BANF2: variants seen among roughly 807,000 people sequenced by gnomAD.
BANF2 encodes the protein barrier-to-autointegration factor-like protein.
Under a neutral mutation model 8.0 loss-of-function variants are expected in BANF2, and 4 were observed. The observed-to-expected ratio is 0.50, with a 90% CI of 0.25 to 1.14. The LOEUF is 1.14. Among genes scored for constraint, BANF2 ranks in the 50% most tolerant of loss-of-function variants. The pLI is 0.16. For synonymous variants in BANF2, 50 were observed against 40.6 expected, an observed-to-expected ratio of 1.23 and a Z score of -0.88; for missense variants, 96 against 107.5, an observed-to-expected ratio of 0.89 and a Z score of 0.47.
chr20:17,709,715 G>A (rs182636906), intron 1 of BANF2, among the ~76,000 whole-genome samples: 9 of 152,308 alleles, frequency 5.9e-5, no homozygotes, highest in Non-Finnish European at 1.5e-5. Context: ...AGGCCCACTC[G>A]GTTTGAGGCC....
At chr20:17,713,260 T>C (rs192242080) in intron 1 of BANF2, among the ~76,000 whole-genome samples, 29 of 144,946 alleles carry the variant, frequency 2.0e-4, no homozygotes, top group African/African-American at 7.4e-4. Context: ...AAAGAAAGAA[T>C]GAGAGAGAGA....
chr20:17,726,712 C>T (rs2037813946), intron 3 of BANF2, among the ~76,000 whole-genome samples: 1 of 152,146 alleles, frequency 6.6e-6, no homozygotes, highest in Admixed American at 6.5e-5. Flanking sequence ...ATCCCCTATC[C>T]TTAGAGGTAA....
intron 3 of BANF2, among the ~76,000 whole-genome samples, chr20:17,732,034 C>G (rs953989292): frequency 5.9e-5 from 9 of 151,308 alleles, no homozygotes; most frequent in Non-Finnish European, 8.8e-5. Flanking sequence ...CCACTGCACT[C>G]CATCCTGGGC....
At chr20:17,698,654 A>G (rs2037371082), upstream of BANF2, among the ~76,000 whole-genome samples, 1 of 152,220 alleles carries the variant, frequency 6.6e-6, no homozygotes, top group Non-Finnish European at 1.5e-5. Context: ...AGCTGGCAAA[A>G]GCCCCCAAGC....
intron 3 of BANF2, among the ~76,000 whole-genome samples, chr20:17,735,143 C>T (rs910077960): frequency 4.6e-5 from 7 of 152,052 alleles, no homozygotes; most frequent in Non-Finnish European, 8.8e-5. Flanking sequence ...GAAAAGAAAT[C>T]CCATGCTACA....
upstream of BANF2, among the ~76,000 whole-genome samples, chr20:17,699,524 C>T (rs1175155120): frequency 1.3e-5 from 2 of 152,096 alleles, no homozygotes; most frequent in Admixed American, 6.6e-5. Flanking sequence ...GGGAAAGTCA[C>T]GGGTATACTG....
At position 17,735,660 on chromosome 20, in the gene BANF2, C is replaced by A. The variant is rs2037966633; in HGVS notation, c.127-5C>A. The A allele has an allele frequency of 6.2e-7, 1 of 1,613,132 alleles. No individual in the cohort carries two copies. The highest frequency in any genetic ancestry group is 1.3e-5 in the African/African-American group (1 of 74,866). On this transcript the variant is annotated splice_region_variant and splice_polypyrimidine_tract_variant and intron_variant, in intron 3 of 3. Transcript: ENST00000246090. ...GCTTTCCTCCCTGTCTCATCCCCTC[C>A]CCAGGCCTACATCCTGCTGGGACAA... is the stretch of plus-strand genomic sequence containing the variant.
chr20:17,733,064 G>A (rs2037924433), intron 3 of BANF2, among the ~76,000 whole-genome samples: 1 of 152,174 alleles, frequency 6.6e-6, no homozygotes, highest in Admixed American at 6.5e-5. Context: ...TGGCTCCAGA[G>A]GCTGCAAGAC....
At chr20:17,726,359 G>T (rs1035081727) in intron 3 of BANF2, among the ~76,000 whole-genome samples, 1 of 151,916 alleles carries the variant, frequency 6.6e-6, no homozygotes, top group Non-Finnish European at 1.5e-5. Flanking sequence ...TTAATTTTTT[G>T]TGTTTCTTGT....
chr20:17,706,027 T>C (rs1351405279), intron 1 of BANF2, among the ~76,000 whole-genome samples: 2 of 152,140 alleles, frequency 1.3e-5, no homozygotes, highest in East Asian at 3.9e-4. Context: ...GAGGGAACTA[T>C]TGAGAGGTGC....
intron 2 of BANF2, among the ~76,000 whole-genome samples, chr20:17,723,213 G>C (rs1282874830): frequency 6.6e-6 from 1 of 152,206 alleles, no homozygotes; most frequent in Non-Finnish European, 1.5e-5. Context: ...TCCTTGCTGA[G>C]CCCAGAGGTA....
chr20:17,716,727 G>A (rs1228909861), intron 1 of BANF2, among the ~76,000 whole-genome samples: 3 of 150,822 alleles, frequency 2.0e-5, no homozygotes, highest in East Asian at 3.9e-4. Flanking sequence ...TGTGGTCCCA[G>A]CTACTCGGGA....
intron 1 of BANF2, among the ~76,000 whole-genome samples, chr20:17,716,118 G>A (rs926769486): frequency 1.3e-5 from 2 of 152,200 alleles, no homozygotes; most frequent in East Asian, 1.9e-4. Flanking sequence ...TGTGGTGAGC[G>A]TGGTACACCC....
chr20:17,722,921 A>G, intron 2 of BANF2, 43 bp downstream of exon 2: 1 of 957,522 alleles, frequency 1.0e-6, no homozygotes, highest in South Asian at 4.8e-5. Context: ...GGGGCTGTGA[A>G]AGGGAGGCGT....
chr20:17,715,065 T>G (rs1480048509), intron 1 of BANF2, among the ~76,000 whole-genome samples: 1 of 152,142 alleles, frequency 6.6e-6, no homozygotes, highest in Non-Finnish European at 1.5e-5. Context: ...AAATAAGAAA[T>G]GGAGGTGACA....
At chr20:17,693,682 G>A in exon 1 of BANF2, 1 of 1,551,646 alleles carries the variant, frequency 6.4e-7, no homozygotes, top group East Asian at 2.4e-5. Context: ...AAGCAACCCT[G>A]CGCTGAATGC....
intron 1 of BANF2, chr20:17,712,353 C>T (rs1283824778): frequency 1.6e-5 from 3 of 187,738 alleles, no homozygotes; most frequent in African/African-American, 7.1e-5. Flanking sequence ...AGCTTATCTT[C>T]CCAGCCACTG....
chr20:17,735,820 C>A lies in BANF2; in HGVS notation c.*9C>A. 1.2e-6 allele frequency: 2 copies of A among 1,607,726 alleles called. No individual in the cohort carries two copies. The highest frequency in any genetic ancestry group is 1.7e-6 in the Non-Finnish European group (2 of 1,175,740). On this transcript the variant is annotated 3_prime_UTR_variant, in exon 4 of 4. Transcript: ENST00000246090. ...GTGCCTGCTTCCTGTAGACACAAAC[C>A]TCATTGCTGCCCCCCACCACCCTCT...
In BANF2 at chr20:17,725,148, T is replaced by C. The variant is rs1133096; in HGVS notation, c.123T>C (p.Asn41=). ...LAINLVTKGI[N]KAYILLGQFL... is the part of the protein sequence containing the mutation. The stretch of plus-strand genomic sequence containing the variant: ...TCAATTTGGTCACCAAAGGTATCAA[T>C]AAGGTAATTCATATTTTCTTACTTC... The change falls in exon 3 of 4, where the codon AAT becomes AAC. Residue 41 remains asparagine, a synonymous_variant. Coordinates refer to ENST00000246090, the MANE Select transcript of BANF2 (RefSeq NM_178477.5). The C allele has an allele frequency of 0.01, 16,548 of 1,611,632 alleles. 440 individuals carry two copies. The highest frequency in any genetic ancestry group is 0.093 in the African/African-American group (6,940 of 74,968).
Sources: allele counts gnomAD v4.1 joint callset (sites outside exome capture counted in the v4.1 genomes callset), GRCh38; gene constraint gnomAD v4.1.1; transcripts MANE v1.5; gene names NCBI Gene and HGNC (gene_info 2026-07-23, HGNC 2026-07-21).